The following MYRIP variants were observed in gnomAD, a reference collection of about 807,000 sequenced individuals.
MYRIP encodes rab effector MyRIP.
In MYRIP, 49 loss-of-function variants were observed where a neutral mutation model predicts 98.0. That is an observed-to-expected ratio of 0.50 (90% CI 0.40 to 0.63). The LOEUF is 0.63. Among genes scored for constraint, MYRIP ranks in the 30% least tolerant of loss-of-function variants. The probability of loss-of-function intolerance (pLI) is 0.00; values close to 1 mark genes in which losing one functional copy is unlikely to be tolerated. For synonymous variants in MYRIP, 404 were observed against 409.5 expected (o/e 0.99, Z 0.16); for missense variants, 1,004 against 1,058.2 (o/e 0.95, Z 0.71).
At chr3:39,898,224 GACTGACAATTT>G (rs1249209398) in intron 1 of MYRIP, among the ~76,000 whole-genome samples, 1 of 152,096 alleles carries the variant, frequency 6.6e-6, no homozygotes, top group Non-Finnish European at 1.5e-5. Context: ...GGGCAAAGTG[GACTGACAATTT>G]ACTTTTGAGA....
chr3:40,188,624 A>G (rs553294822), intron 9 of MYRIP, among the ~76,000 whole-genome samples: 4 of 152,330 alleles, frequency 2.6e-5, no homozygotes, highest in African/African-American at 7.2e-5. Flanking sequence ...CTAAAAATGC[A>G]TAAGTAGCCA....
chr3:39,823,035 T>C (rs74493056), intron 1 of MYRIP, among the ~76,000 whole-genome samples: 2 of 149,900 alleles, frequency 1.3e-5, no homozygotes, highest in African/African-American at 4.9e-5. Context: ...TTTTTTTTTT[T>C]TTGAGATAGA....
chr3:40,070,718 C>T (rs1948207128), intron 3 of MYRIP, among the ~76,000 whole-genome samples: 1 of 152,132 alleles, frequency 6.6e-6, no homozygotes, highest in African/African-American at 2.4e-5. Flanking sequence ...CCCCTTACCA[C>T]CCTGGTCCAT....
At chr3:39,857,036 A>G (rs1210564394) in intron 1 of MYRIP, among the ~76,000 whole-genome samples, 2 of 152,140 alleles carry the variant, frequency 1.3e-5, no homozygotes, top group African/African-American at 2.4e-5. Flanking sequence ...CCTGGACAAC[A>G]TAAGACCTTA....
chr3:40,024,966 T>C (rs1559369120), intron 2 of MYRIP, among the ~76,000 whole-genome samples: 1 of 152,232 alleles, frequency 6.6e-6, no homozygotes, highest in East Asian at 1.9e-4. Flanking sequence ...TACATTTTCT[T>C]ATTTATTTCT....
intron 11 of MYRIP, among the ~76,000 whole-genome samples, chr3:40,232,570 C>T (rs547228073): frequency 4.9e-4 from 74 of 152,284 alleles, no homozygotes; most frequent in African/African-American, 1.6e-3. Flanking sequence ...ACTGGTCACA[C>T]GAAATATGCC....
At chr3:39,846,879 G>C (rs1401316046) in intron 1 of MYRIP, among the ~76,000 whole-genome samples, 1 of 152,172 alleles carries the variant, frequency 6.6e-6, no homozygotes, top group African/African-American at 2.4e-5. Flanking sequence ...CCATTGGAAG[G>C]CTAGCAGGTG....
At chr3:39,819,773 A>G (rs1941048774) in intron 1 of MYRIP, among the ~76,000 whole-genome samples, 1 of 152,264 alleles carries the variant, frequency 6.6e-6, no homozygotes, top group South Asian at 2.1e-4. Context: ...TCCCACTTCC[A>G]ACTTACCCTG....
At chr3:40,171,226 C>T (rs1950605324) in intron 8 of MYRIP, among the ~76,000 whole-genome samples, 1 of 151,812 alleles carries the variant, frequency 6.6e-6, no homozygotes, top group Non-Finnish European at 1.5e-5. Context: ...CAGGAGGGGA[C>T]ACGGGTAAGG....
At chr3:40,067,563 G>A (rs1352005627) in intron 3 of MYRIP, among the ~76,000 whole-genome samples, 1 of 152,170 alleles carries the variant, frequency 6.6e-6, no homozygotes, top group Non-Finnish European at 1.5e-5. Flanking sequence ...ACTCTACTGA[G>A]TGGGTTTTCT....
chr3:40,151,828 GTGGCAGATTTTTTTTTCATCACT>G (rs1950129044), intron 4 of MYRIP, among the ~76,000 whole-genome samples: 1 of 152,156 alleles, frequency 6.6e-6, no homozygotes, highest in Admixed American at 6.6e-5. Flanking sequence ...TTTCTATCTG[GTGGCAGATTTTTTTTTCATCACT>G]TGGCTAACAC....
At chr3:39,889,482 G>A (rs1483153469) in intron 1 of MYRIP, among the ~76,000 whole-genome samples, 1 of 152,070 alleles carries the variant, frequency 6.6e-6, no homozygotes, top group Non-Finnish European at 1.5e-5. Flanking sequence ...TGAACAATGA[G>A]AACACATGGA....
chr3:40,034,094 C>T (rs968449984), intron 2 of MYRIP, among the ~76,000 whole-genome samples: 4 of 152,146 alleles, frequency 2.6e-5, no homozygotes, highest in African/African-American at 7.2e-5. Context: ...CAGACTTAAA[C>T]GTTAGACCTA....
chr3:40,240,327 C>A (rs138348250), intron 12 of MYRIP, among the ~76,000 whole-genome samples: 12,843 of 152,166 alleles, frequency 0.084, 791 homozygotes, highest in African/African-American at 0.18. Flanking sequence ...GTCTACAGCT[C>A]CCAGCGTGAG....
intron 11 of MYRIP, among the ~76,000 whole-genome samples, chr3:40,231,436 A>G (rs944004219): frequency 6.6e-6 from 1 of 152,128 alleles, no homozygotes; most frequent in Non-Finnish European, 1.5e-5. Flanking sequence ...TGTAGAATGA[A>G]CCGTGGGGAA....
chr3:40,005,302 A>G (rs191113532), intron 2 of MYRIP, among the ~76,000 whole-genome samples: 112 of 152,314 alleles, frequency 7.4e-4, no homozygotes, highest in Non-Finnish European at 1.8e-4. Context: ...CACTCCTGTA[A>G]CTCATAGTAC....
At chr3:40,220,231 A>G (rs1952294453) in intron 11 of MYRIP, among the ~76,000 whole-genome samples, 1 of 152,018 alleles carries the variant, frequency 6.6e-6, no homozygotes, top group South Asian at 2.1e-4. Flanking sequence ...GATTCTGGAT[A>G]TTAGCCCTTT....
At chr3:40,008,458 G>A (rs1402096937) in intron 2 of MYRIP, among the ~76,000 whole-genome samples, 1 of 152,082 alleles carries the variant, frequency 6.6e-6, no homozygotes, top group African/African-American at 2.4e-5. Context: ...AAACTTTAGG[G>A]TATTTCTCTG....
intron 3 of MYRIP, among the ~76,000 whole-genome samples, chr3:40,093,532 A>T (rs1179953293): frequency 6.6e-6 from 1 of 152,204 alleles, no homozygotes; most frequent in Admixed American, 6.5e-5. Context: ...CCAGCTATGC[A>T]GGGTCATTCT....
Sources: gnomAD v4.1 joint callset for allele counts (sites outside exome capture counted in the v4.1 genomes callset) on GRCh38, gnomAD v4.1.1 for gene constraint, MANE v1.5 for transcripts, NCBI Gene and HGNC (gene_info 2026-07-23, HGNC 2026-07-21) for gene names.